KSR2: variants seen among roughly 807,000 people sequenced by gnomAD.
The protein encoded by KSR2 is kinase suppressor of ras 2.
In KSR2, 25 loss-of-function variants were observed where a neutral mutation model predicts 107.8. That is an observed-to-expected ratio of 0.23 (90% CI 0.17 to 0.32). KSR2 has a LOEUF of 0.32. Among genes scored for constraint, KSR2 ranks in the 10% least tolerant of loss-of-function variants. The pLI is 1.00. For missense variants in KSR2, 887 were observed against 1,268.9 expected (o/e 0.70, Z 4.57); for synonymous variants, 480 against 507.0 (o/e 0.95, Z 0.71).
In KSR2 at chr12:117,555,245, T is replaced by A; in HGVS notation, c.1442A>T (p.Asn481Ile). ...RTESVPCDIN[N>I]PLRKPPRYSD... ...ATAGCGAGGTGGCTTCCGTAGAGGG[T>A]TGTTGATGTCACACGGAACGGACTC... The change falls in exon 9 of 20, where the codon AAC becomes ATC. Residue 481 changes from asparagine (N) to isoleucine (I), a missense_variant. Transcript: ENST00000339824. The A allele has an allele frequency of 6.2e-7, 1 of 1,613,860 alleles. No individual in the cohort carries two copies. The highest frequency in any genetic ancestry group is 8.5e-7 in the Non-Finnish European group (1 of 1,179,822).
rs11068699 is a variant in KSR2 at position 117,848,844 on chromosome 12, A to G, written c.472+6584T>C. Among the ~76,000 whole-genome samples the G allele has an allele frequency of 6.3e-3, 745 of 118,050 alleles. 3 individuals are homozygous for G. The highest frequency in any genetic ancestry group is 0.046 in the South Asian group (139 of 3,008). 77.4% of individuals were successfully genotyped at this position (118,050 alleles called of 152,430 possible). ...GGTGGTGATGGTGGTAGTGGTGGTG[A>G]TGGTGATGATGGTGATGATGGTGAT... is the stretch of plus-strand genomic sequence containing the variant. On this transcript the variant is annotated intron_variant, in intron 3 of 19. Transcript: ENST00000339824.
At chr12:117,857,475 G>A (rs1431262293) in intron 2 of KSR2, among the ~76,000 whole-genome samples, 14 of 152,036 alleles carry the variant, frequency 9.2e-5, no homozygotes, top group Non-Finnish European at 1.0e-4. Flanking sequence ...ATTTATATAT[G>A]TATATATTTC....
Position 117,761,184 on chromosome 12 carries a change from C to A in KSR2, c.813G>T (p.Val271=). The change falls in exon 4 of 20, where the codon GTG becomes GTT. Residue 271 remains valine, a synonymous_variant. Transcript: ENST00000339824. The stretch of plus-strand genomic sequence containing the variant: ...TCATGGGCGGCGTGCCCGGCGGGGT[C>A]ACGGTGGTGACGATGTTGGGGGTGC... The part of the protein sequence containing the change: ...PPRTPNIVTT[V]TPPGTPPMRK... The A allele has an allele frequency of 6.3e-7, 1 of 1,595,886 alleles. No individual in the cohort carries two copies. Among genetic ancestry groups the A allele is most frequent in the Non-Finnish European group, 8.5e-7 (1 of 1,169,968 alleles).
intron 16 of KSR2, among the ~76,000 whole-genome samples, 197 bp from the exon 17 acceptor site, chr12:117,476,792 C>G (rs1871811193): frequency 1.3e-5 from 2 of 152,184 alleles, no homozygotes; most frequent in Admixed American, 1.3e-4. Context: ...CACTCAGGAT[C>G]CAAACCATCA....
intron 5 of KSR2, among the ~76,000 whole-genome samples, chr12:117,648,724 G>T (rs533490911): frequency 6.6e-5 from 10 of 152,198 alleles, no homozygotes; most frequent in Non-Finnish European, 1.5e-4. Flanking sequence ...GTGTTTAGGG[G>T]TGTTACTGAA....
At chr12:117,537,382 TAA>T (rs1339523676) in intron 10 of KSR2, among the ~76,000 whole-genome samples, 1 of 152,186 alleles carries the variant, frequency 6.6e-6, no homozygotes, top group East Asian at 1.9e-4. Context: ...GAAATGCAAA[TAA>T]AGATAGCCAC....
At chr12:117,818,120 A>G (rs1891438703) in intron 3 of KSR2, among the ~76,000 whole-genome samples, 1 of 149,662 alleles carries the variant, frequency 6.7e-6, no homozygotes, top group South Asian at 2.1e-4. Context: ...AAAAAAAAAA[A>G]GTTCCAATGG....
At chr12:117,875,810 T>TG (rs1459952272) in intron 1 of KSR2, among the ~76,000 whole-genome samples, 1 of 152,154 alleles carries the variant, frequency 6.6e-6, no homozygotes, top group Non-Finnish European at 1.5e-5. Flanking sequence ...GGTGGCACTT[T>TG]GCTATCTCAC....
At chr12:117,877,024 T>C (rs1331818254) in intron 1 of KSR2, among the ~76,000 whole-genome samples, 1 of 152,186 alleles carries the variant, frequency 6.6e-6, no homozygotes, top group Non-Finnish European at 1.5e-5. Context: ...AAACAAAGTT[T>C]GTGTTAAGTT....
rs552745479 is a variant in KSR2 at position 117,765,832 on chromosome 12, T to C, written c.473-4308A>G. On this transcript the variant is annotated intron_variant, in intron 3 of 19. Transcript: ENST00000339824. ...CAGAGTGAAGTGAGGACTGAATTAA[T>C]AAGATAAAGCAATCAAACCATCAGA... Among the ~76,000 whole-genome samples, 15 of 152,270 alleles carry C rather than the reference T, an allele frequency of 9.9e-5. No individual in the cohort carries two copies. In the East Asian group the frequency reaches 2.3e-3, roughly 24 times the overall value.
intron 14 of KSR2, 79 bp downstream of exon 14, chr12:117,524,773 G>A: frequency 6.6e-7 from 1 of 1,508,026 alleles, no homozygotes; most frequent in Non-Finnish European, 8.9e-7. Context: ...GAGTGGTCAA[G>A]TAAGCAGAAA....
intron 5 of KSR2, among the ~76,000 whole-genome samples, chr12:117,642,475 G>T (rs2136408668): frequency 6.6e-6 from 1 of 152,312 alleles, no homozygotes; most frequent in South Asian, 2.1e-4. Flanking sequence ...AAGCAGAAAA[G>T]AGCTCTGGAC....
At chr12:117,526,219 G>C (rs867398044) in intron 13 of KSR2, among the ~76,000 whole-genome samples, 1 of 152,168 alleles carries the variant, frequency 6.6e-6, no homozygotes, top group Admixed American at 6.5e-5. Flanking sequence ...GGCGTACTTC[G>C]GCGTAACTAC....
chr12:117,507,543 T>C (rs1487032692), intron 14 of KSR2, among the ~76,000 whole-genome samples: 1 of 152,098 alleles, frequency 6.6e-6, no homozygotes, highest in African/African-American at 2.4e-5. Flanking sequence ...AGAGACCATT[T>C]TGAGATAAAG....
intron 4 of KSR2, among the ~76,000 whole-genome samples, chr12:117,694,067 G>A (rs991056993): frequency 1.3e-5 from 2 of 152,110 alleles, no homozygotes; most frequent in East Asian, 1.9e-4. Context: ...TGGAGGAGGT[G>A]GAGAAACAGG....
At chr12:117,785,938 G>A (rs1890056860) in intron 3 of KSR2, among the ~76,000 whole-genome samples, 2 of 152,080 alleles carry the variant, frequency 1.3e-5, no homozygotes, top group Admixed American at 6.5e-5. Context: ...CCCAAATTTT[G>A]TGAAAAACAT....
At chr12:117,963,569 C>A (rs1231932104) in intron 1 of KSR2, among the ~76,000 whole-genome samples, 1 of 152,114 alleles carries the variant, frequency 6.6e-6, no homozygotes, top group Non-Finnish European at 1.5e-5. Flanking sequence ...TGCCACTGCA[C>A]TCCAGCCTGA....
chr12:117,875,325 T>C (rs1479553135), intron 1 of KSR2, among the ~76,000 whole-genome samples: 2 of 136,912 alleles, frequency 1.5e-5, no homozygotes, highest in Non-Finnish European at 3.0e-5. Flanking sequence ...CCTCACCCCT[T>C]AGGTGCTATT....
intron 7 of KSR2, among the ~76,000 whole-genome samples, chr12:117,577,661 G>A (rs113466014): frequency 3.3e-5 from 5 of 152,258 alleles, no homozygotes; most frequent in African/African-American, 1.2e-4. Flanking sequence ...CAGTGGCAAG[G>A]GAGAATGAGA....
Sources: allele counts gnomAD v4.1 joint callset (sites outside exome capture counted in the v4.1 genomes callset), GRCh38; gene constraint gnomAD v4.1.1; transcripts MANE v1.5; gene names NCBI Gene and HGNC (gene_info 2026-07-23, HGNC 2026-07-21).